CFAP95: variants seen among roughly 807,000 people sequenced by gnomAD.
CFAP95 encodes the protein cilia- and flagella-associated protein 95.
the CFAP95 span, among the ~76,000 whole-genome samples, chr9:69,828,965 C>T: frequency 6.6e-6 from 1 of 152,178 alleles, no homozygotes; most frequent in Non-Finnish European, 1.5e-5. Flanking sequence ...AGACACAATA[C>T]TTCATTTCTT....
At chr9:69,894,779 T>A in the CFAP95 span, among the ~76,000 whole-genome samples, 3 of 152,148 alleles carry the variant, frequency 2.0e-5, no homozygotes, top group Admixed American at 6.5e-5. Context: ...TAGAGTTAGA[T>A]GGACAGACAC....
the CFAP95 span, among the ~76,000 whole-genome samples, chr9:69,830,757 C>T: frequency 6.6e-6 from 1 of 152,204 alleles, no homozygotes; most frequent in Non-Finnish European, 1.5e-5. Context: ...AAGTGATTCT[C>T]CTGCCCCAGC....
chr9:69,833,401 C>A, the CFAP95 span, among the ~76,000 whole-genome samples: 1 of 152,128 alleles, frequency 6.6e-6, no homozygotes, highest in South Asian at 2.1e-4. Context: ...GGGGTTTCGC[C>A]ATGTTGGGCA....
At chr9:69,857,721 T>C in the CFAP95 span, among the ~76,000 whole-genome samples, 1 of 152,084 alleles carries the variant, frequency 6.6e-6, no homozygotes, top group South Asian at 2.1e-4. Flanking sequence ...AGAGACTGGG[T>C]TTTACCATGT....
chr9:69,848,447 T>C, the CFAP95 span, among the ~76,000 whole-genome samples: 1 of 152,170 alleles, frequency 6.6e-6, no homozygotes, highest in Non-Finnish European at 1.5e-5. Flanking sequence ...GGACATGCCA[T>C]TCAATGTTCC....
At chr9:69,824,531 A>G in the CFAP95 span, among the ~76,000 whole-genome samples, 1 of 151,546 alleles carries the variant, frequency 6.6e-6, no homozygotes, top group East Asian at 1.9e-4. Flanking sequence ...ACTGTAAACA[A>G]GTATCCTTTT....
chr9:69,877,562 A>AT, the CFAP95 span, among the ~76,000 whole-genome samples: 3 of 152,156 alleles, frequency 2.0e-5, no homozygotes, highest in Non-Finnish European at 2.9e-5. Flanking sequence ...TATAAATGGG[A>AT]TTTTCCTCCT....
At chr9:69,850,473 T>C in the CFAP95 span, among the ~76,000 whole-genome samples, 3 of 152,316 alleles carry the variant, frequency 2.0e-5, no homozygotes, top group Admixed American at 2.0e-4. Flanking sequence ...TTTTAGTGAA[T>C]AAAAATATGA....
chr9:69,834,836 G>A, the CFAP95 span, among the ~76,000 whole-genome samples: 1 of 152,278 alleles, frequency 6.6e-6, no homozygotes, highest in Admixed American at 6.5e-5. Context: ...GAAAAACAAA[G>A]TATTTCTTCG....
the CFAP95 span, among the ~76,000 whole-genome samples, chr9:69,876,396 G>A: frequency 6.6e-6 from 1 of 151,934 alleles, no homozygotes; most frequent in Non-Finnish European, 1.5e-5. Context: ...ACTTGGGCCT[G>A]GTGATGCATG....
the CFAP95 span, among the ~76,000 whole-genome samples, chr9:69,854,722 A>G: frequency 6.6e-6 from 1 of 152,198 alleles, no homozygotes; most frequent in East Asian, 1.9e-4. Context: ...CATGGGAGGC[A>G]CTGGCAGGTG....
At chr9:69,829,395 T>G in the CFAP95 span, among the ~76,000 whole-genome samples, 1 of 152,206 alleles carries the variant, frequency 6.6e-6, no homozygotes, top group African/African-American at 2.4e-5. Context: ...GTGTGAAAGT[T>G]TGCTCAACTT....
At chr9:69,905,927 A>C in the CFAP95 span, 1 of 1,461,268 alleles carries the variant, frequency 6.8e-7, no homozygotes, top group Non-Finnish European at 9.1e-7. Context: ...CAGTTATTAA[A>C]TATTATTTCT....
chr9:69,845,151 C>T, the CFAP95 span, among the ~76,000 whole-genome samples: 1 of 152,278 alleles, frequency 6.6e-6, no homozygotes. Flanking sequence ...ATGCTATTAA[C>T]AGTGTCATAA....
At chr9:69,831,051 C>A in the CFAP95 span, among the ~76,000 whole-genome samples, 1 of 151,812 alleles carries the variant, frequency 6.6e-6, no homozygotes, top group South Asian at 2.1e-4. Context: ...TTGGTCACAC[C>A]GTGTATTTTC....
the CFAP95 span, among the ~76,000 whole-genome samples, chr9:69,874,156 C>T: frequency 6.7e-6 from 1 of 148,602 alleles, no homozygotes; most frequent in Admixed American, 6.8e-5. Flanking sequence ...TCCAGAAAGC[C>T]TGTTTTTATC....
the CFAP95 span, chr9:69,858,266 C>T: frequency 4.8e-6 from 2 of 419,758 alleles, no homozygotes; most frequent in Non-Finnish European, 4.4e-6. Flanking sequence ...GTGGTTCTGT[C>T]ATGGTCATTT....
At chr9:69,889,526 T>A in the CFAP95 span, among the ~76,000 whole-genome samples, 87,609 of 151,998 alleles carry the variant, frequency 0.58, 25,647 homozygotes, top group East Asian at 0.82. Context: ...TAGACACTCC[T>A]GTGATTTCAT....
the CFAP95 span, chr9:69,905,939 T>C: frequency 1.3e-6 from 2 of 1,491,910 alleles, no homozygotes; most frequent in African/African-American, 2.8e-5. Flanking sequence ...ATTATTTCTC[T>C]TTTTTCCCCC....
Sources: allele counts gnomAD v4.1 joint callset (sites outside exome capture counted in the v4.1 genomes callset), GRCh38; gene constraint gnomAD v4.1.1; transcripts MANE v1.5; gene names NCBI Gene and HGNC (gene_info 2026-07-23, HGNC 2026-07-21).